CFAP61: variants seen among roughly 807,000 people sequenced by gnomAD.
The protein encoded by CFAP61 is cilia- and flagella-associated protein 61.
CFAP61 carries 107 observed loss-of-function variants against 135.6 expected under a neutral mutation model. The ratio of observed to expected loss-of-function variants is 0.79; its 90% CI spans 0.67 to 0.93. The LOEUF is 0.93. CFAP61 is among the 40% of genes least tolerant of loss of function. The pLI is 0.00. For missense variants in CFAP61, 1,507 were observed against 1,556.2 expected (o/e 0.97, Z 0.53); for synonymous variants, 575 against 578.5 (o/e 0.99, Z 0.09).
intron 8 of CFAP61, among the ~76,000 whole-genome samples, chr20:20,106,033 TATATATATATATATATAA>T (rs1385165212): frequency 4.9e-5 from 5 of 101,776 alleles, no homozygotes; most frequent in Admixed American, 9.2e-5. Flanking sequence ...TATATATATA[TATATATATATATATATAA>T]AATTTGATTT....
chr20:20,269,146 T>TATATACACACAC (rs1419572825), intron 21 of CFAP61, among the ~76,000 whole-genome samples: 6 of 85,596 alleles, frequency 7.0e-5, no homozygotes, highest in African/African-American at 2.0e-4. Flanking sequence ...TATATATATA[T>TATATACACACAC]ACACACACAC....
intron 8 of CFAP61, among the ~76,000 whole-genome samples, chr20:20,137,492 T>G (rs1242919581): frequency 6.6e-6 from 1 of 152,156 alleles, no homozygotes; most frequent in Non-Finnish European, 1.5e-5. Flanking sequence ...TCCCTCCGTT[T>G]TTCCCATGCA....
intron 9 of CFAP61, among the ~76,000 whole-genome samples, chr20:20,144,806 G>T (rs1296591065): frequency 6.6e-6 from 1 of 151,910 alleles, no homozygotes; most frequent in Non-Finnish European, 1.5e-5. Flanking sequence ...TAGGAACAGA[G>T]AAACAAAGAT....
intron 26 of CFAP61, among the ~76,000 whole-genome samples, chr20:20,346,148 G>A (rs1476989809): frequency 1.0e-4 from 14 of 137,244 alleles, no homozygotes; most frequent in African/African-American, 1.3e-4. Flanking sequence ...TGATCCACCC[G>A]CCTCGGCCTC....
chr20:20,103,284 C>T (rs553503001), intron 8 of CFAP61, among the ~76,000 whole-genome samples: 1 of 152,196 alleles, frequency 6.6e-6, no homozygotes, highest in South Asian at 2.1e-4. Flanking sequence ...TTGTGTTTTA[C>T]CTGAATAATT....
intron 8 of CFAP61, among the ~76,000 whole-genome samples, chr20:20,101,047 A>T (rs993260380): frequency 6.6e-6 from 1 of 152,202 alleles, no homozygotes; most frequent in African/African-American, 2.4e-5. Context: ...GGCATTGTAG[A>T]CTTCCACATA....
intron 17 of CFAP61, among the ~76,000 whole-genome samples, chr20:20,211,499 C>T (rs983574597): frequency 3.9e-5 from 6 of 152,080 alleles, no homozygotes; most frequent in African/African-American, 1.4e-4. Context: ...CAAAAGATGA[C>T]TTAAAAACAG....
intron 25 of CFAP61, among the ~76,000 whole-genome samples, chr20:20,331,382 G>C (rs1395113709): frequency 6.7e-6 from 1 of 149,710 alleles, no homozygotes; most frequent in Non-Finnish European, 1.5e-5. Flanking sequence ...ACAAAAAAAA[G>C]TGAAGAAACA....
intron 2 of CFAP61, among the ~76,000 whole-genome samples, chr20:20,064,418 C>T (rs2045082904): frequency 6.6e-6 from 1 of 152,034 alleles, no homozygotes; most frequent in African/African-American, 2.4e-5. Context: ...GTCTGAATTA[C>T]CAGCGTCACT....
intron 6 of CFAP61, among the ~76,000 whole-genome samples, chr20:20,084,723 G>A (rs983853625): frequency 2.6e-5 from 4 of 152,236 alleles, no homozygotes; most frequent in Non-Finnish European, 5.9e-5. Flanking sequence ...TGGAAGTGCT[G>A]AGGGAGTTTG....
chr20:20,118,689 T>A (rs546721846), intron 8 of CFAP61, among the ~76,000 whole-genome samples: 39 of 152,292 alleles, frequency 2.6e-4, no homozygotes, highest in African/African-American at 9.1e-4. Flanking sequence ...GTTTTTATCA[T>A]AAAGGGATGC....
intron 20 of CFAP61, among the ~76,000 whole-genome samples, chr20:20,252,556 GT>G (rs923885325): frequency 1.1e-4 from 17 of 151,666 alleles, no homozygotes; most frequent in South Asian, 4.2e-4. Context: ...TTTTTTTGCA[GT>G]TTTTTTTCTT....
chr20:20,075,001 C>A (rs1278107776), intron 4 of CFAP61, among the ~76,000 whole-genome samples, 188 bp from the exon 5 acceptor site: 2 of 152,140 alleles, frequency 1.3e-5, no homozygotes, highest in Non-Finnish European at 2.9e-5. Flanking sequence ...CTTTAGAACC[C>A]AAGGAAAAGT....
intron 17 of CFAP61, among the ~76,000 whole-genome samples, chr20:20,214,720 A>C (rs1002675198): frequency 6.6e-6 from 1 of 152,224 alleles, no homozygotes; most frequent in African/African-American, 2.4e-5. Context: ...TCACTATTAG[A>C]GATGAAGGCC....
At chr20:20,187,048 C>A (rs1429354935) in intron 13 of CFAP61, among the ~76,000 whole-genome samples, 2 of 152,182 alleles carry the variant, frequency 1.3e-5, no homozygotes, top group Non-Finnish European at 2.9e-5. Context: ...GCACTGAACA[C>A]CTGGGTGGGG....
At position 20,275,578 on chromosome 20, in the gene CFAP61, T is replaced by C. The variant is rs968896827; in HGVS notation, c.2504-1588T>C. Among the ~76,000 whole-genome samples the C allele has an allele frequency of 8.5e-5, 13 of 152,288 alleles. No individual in the cohort carries two copies. The South Asian group carries it at 2.7e-3, about 32-fold the overall frequency. On this transcript the variant is annotated intron_variant, in intron 21 of 26. Coordinates refer to ENST00000245957, the MANE Select transcript of CFAP61 (RefSeq NM_015585.4). ...GCAGCACCACAGGCCCAGTTTTCCA[T>C]GAGCCTGTGAAGAATAAGCCCAGCT...
At chr20:20,137,215 G>T (rs2050999378) in intron 8 of CFAP61, among the ~76,000 whole-genome samples, 1 of 152,220 alleles carries the variant, frequency 6.6e-6, no homozygotes, top group Admixed American at 6.5e-5. Flanking sequence ...CCTTAAGGCA[G>T]CACAGCCATG....
At chr20:20,130,957 TCTC>T (rs2050478137) in intron 8 of CFAP61, among the ~76,000 whole-genome samples, 1 of 151,820 alleles carries the variant, frequency 6.6e-6, no homozygotes, top group African/African-American at 2.4e-5. Context: ...CAGGAACCGA[TCTC>T]CTGCCAGGGA....
intron 6 of CFAP61, among the ~76,000 whole-genome samples, chr20:20,082,487 A>G (rs935180680): frequency 1.2e-4 from 18 of 152,210 alleles, no homozygotes; most frequent in Non-Finnish European, 2.1e-4. Context: ...TCTAAAATCT[A>G]CAGTGGGCTT....
Sources: gnomAD v4.1 joint callset for allele counts (sites outside exome capture counted in the v4.1 genomes callset) on GRCh38, gnomAD v4.1.1 for gene constraint, MANE v1.5 for transcripts, NCBI Gene and HGNC (gene_info 2026-07-23, HGNC 2026-07-21) for gene names.